Variants in ZNF75D observed in about 807,000 individuals in gnomAD.
ZNF75D encodes zinc finger protein 75.
Under a neutral mutation model 33.3 loss-of-function variants are expected in ZNF75D, and 33 were observed. The ratio of observed to expected loss-of-function variants is 0.99; its 90% CI spans 0.75 to 1.32. ZNF75D has a LOEUF of 1.32. ZNF75D is among the 40% of genes most tolerant of loss of function. The pLI, the probability that ZNF75D is intolerant of heterozygous loss-of-function variation, is 0.00. For synonymous variants in ZNF75D, 113 were observed against 130.6 expected (o/e 0.87, Z 0.92); for missense variants, 338 against 367.5 (o/e 0.92, Z 0.66).
intron 1 of ZNF75D, among the ~76,000 whole-genome samples, chrX:135,316,738 ATTCT>A (rs1556431929): frequency 1.9e-5 from 2 of 107,397 alleles, no homozygotes; most frequent in African/African-American, 6.8e-5. Context: ...AAGATCTTAG[ATTCT>A]TTCTTCTGCT....
intron 1 of ZNF75D, among the ~76,000 whole-genome samples, chrX:135,271,247 T>G (rs1156499458): frequency 8.9e-6 from 1 of 112,005 alleles, no homozygotes; most frequent in Non-Finnish European, 1.9e-5. Context: ...CTGGACAAAG[T>G]AATGTTTTGA....
chrX:135,324,938 C>T (rs1309019998), intron 1 of ZNF75D, among the ~76,000 whole-genome samples: 1 of 110,951 alleles, frequency 9.0e-6, no homozygotes, highest in African/African-American at 3.3e-5. Context: ...ACCTGACCAT[C>T]GGCCATGGTG....
intron 1 of ZNF75D, among the ~76,000 whole-genome samples, chrX:135,271,662 A>G (rs1270881396): frequency 8.9e-6 from 1 of 111,867 alleles, no homozygotes; most frequent in Non-Finnish European, 1.9e-5. Context: ...TATTCACCCC[A>G]TTGTTGAAGG....
Position 135,316,456 on chromosome X carries a change from T to C in ZNF75D, c.-390-20417A>G, listed in dbSNP as rs782408858. ...TATTTGTCATTGACTTTAGACATTG[T>C]AAATATAATGTACCATGGGGAAGAT... On this transcript the variant is annotated intron_variant, in intron 1 of 6. Coordinates refer to ENST00000370766, the MANE Select transcript of ZNF75D (RefSeq NM_007131.5). 3.6e-5 allele frequency among the ~76,000 whole-genome samples: 4 copies of C among 111,877 alleles called. No individual in the cohort carries two copies. The South Asian group carries it at 1.5e-3, about 42-fold the overall frequency.
At chrX:135,313,668 T>C (rs1307513077) in intron 1 of ZNF75D, among the ~76,000 whole-genome samples, 2 of 111,952 alleles carry the variant, frequency 1.8e-5, no homozygotes, top group Non-Finnish European at 3.8e-5. Flanking sequence ...ATCAGTGTTT[T>C]GTAGTGCTTT....
At position 135,258,603 on chromosome X, in the gene ZNF75D, G is replaced by A. The variant is rs782069384; in HGVS notation, n.828-2826C>T. Among the ~76,000 whole-genome samples the A allele has an allele frequency of 8.9e-5, 10 of 111,762 alleles. 1 individual carries two copies. The South Asian group carries it at 3.8e-3, about 42-fold the overall frequency. ...CTGCATAGATGTCTTCTTTTGAGAA[G>A]TGTCTATTCATATCCTTTGCCCACG... On this transcript the variant is annotated intron_variant and non_coding_transcript_variant, in intron 1 of 3. Coordinates refer to the ZNF75D transcript ENST00000494295.
At chrX:135,292,090 T>C (rs1295397537) in intron 4 of ZNF75D, among the ~76,000 whole-genome samples, 191 bp downstream of exon 4, 1 of 111,640 alleles carries the variant, frequency 9.0e-6, no homozygotes, top group Non-Finnish European at 1.9e-5. Flanking sequence ...ATAGCAGGGT[T>C]CTGTGGTTTG....
chrX:135,248,943 A>G, exon 4 of ZNF75D: 1 of 318,741 alleles, frequency 3.1e-6, no homozygotes, highest in South Asian at 2.8e-5. Flanking sequence ...TCCACTTGTA[A>G]TGGTTGCATC....
At chrX:135,291,404 G>A in intron 5 of ZNF75D, 68 bp downstream of exon 5, 1 of 1,142,711 alleles carries the variant, frequency 8.8e-7, no homozygotes, top group Non-Finnish European at 1.2e-6. Context: ...TGAGTCCTAG[G>A]CAATAGGGAC....
chrX:135,303,991 C>A, intron 1 of ZNF75D, among the ~76,000 whole-genome samples: 1 of 112,546 alleles, frequency 8.9e-6, no homozygotes, highest in East Asian at 2.8e-4. Context: ...TCAAAGAGAG[C>A]AGCCAGAAGT....
chrX:135,257,533 A>C (rs782488048), intron 1 of ZNF75D, among the ~76,000 whole-genome samples: 27 of 113,220 alleles, frequency 2.4e-4, no homozygotes, highest in African/African-American at 8.3e-4. Flanking sequence ...AAGGTATTTT[A>C]CTCTAATCCC....
At chrX:135,289,874 C>G (rs1238739586) in intron 6 of ZNF75D, among the ~76,000 whole-genome samples, 3 of 111,527 alleles carry the variant, frequency 2.7e-5, no homozygotes, top group African/African-American at 9.8e-5. Context: ...ACTTTGATTG[C>G]CTAGTAGTCC....
In ZNF75D at chrX:135,287,095, C is replaced by A; in HGVS notation, c.*42G>T. The A allele has an allele frequency of 1.8e-6, 2 of 1,086,255 alleles. No individual in the cohort carries two copies. The highest frequency in any genetic ancestry group is 2.5e-6 in the Non-Finnish European group (2 of 800,787). 89.5% of individuals were successfully genotyped at this position (1,086,255 alleles called of 1,213,427 possible). A position where few individuals can be genotyped will look rare whatever the true frequency, so the allele number is the denominator to read the frequency against. ...ATTGGGTGCCTCATAATTTTGTATT[C>A]TTTCACCACTTCTAAAGTCAAGCTC... is the stretch of plus-strand genomic sequence containing the variant. On this transcript the variant is annotated 3_prime_UTR_variant, in exon 7 of 7. Transcript: ENST00000370766.
rs782168296 is a variant in ZNF75D at position 135,294,057 on chromosome X, C to G, written c.84G>C (p.Glu28Asp). The G allele has an allele frequency of 3.3e-6, 4 of 1,210,850 alleles. No homozygotes were observed. In the South Asian group the frequency reaches 5.3e-5, roughly 16 times the overall value. Reference protein sequence around the residue: ...AMWETSGSVKENSSQSKKYST... With the variant: ...AMWETSGSVKDNSSQSKKYST... ...TGTATTTCTTACTCTGACTGGAGTTCTCTTTCACAGACCCACTAGTCTCCC... is the reference window on the plus strand; with the variant it reads ...TGTATTTCTTACTCTGACTGGAGTTGTCTTTCACAGACCCACTAGTCTCCC... Residue 28 changes from glutamate (E) to aspartate (D), a missense_variant, in exon 3 of 7, where the codon GAG (glutamate) becomes GAC (aspartate). Physicochemically the swap from Glu to Asp is conservative, Grantham distance 45. Coordinates refer to ENST00000370766, the MANE Select transcript of ZNF75D (RefSeq NM_007131.5).
In ZNF75D at chrX:135,295,822, A is replaced by G. The variant is rs782493985; in HGVS notation, c.-173T>C. 1 of 112,090 alleles carries G rather than the reference A, an allele frequency of 8.9e-6. No homozygotes were observed. Among genetic ancestry groups the G allele is most frequent in the South Asian group, 3.8e-4 (1 of 2,647 alleles). The allele number at this position is 112,090 out of a possible 1,213,427, so 9.2% of individuals were successfully genotyped here. ...CACTTTCCTCTTCCTCGGCTCGACT[A>G]CGCCTCTGCCTCTGTGGCCACGCCT... On this transcript the variant is annotated 5_prime_UTR_variant, in exon 2 of 7. Coordinates refer to ENST00000370766, the MANE Select transcript of ZNF75D (RefSeq NM_007131.5).
At chrX:135,290,222 C>G (rs1250495024) in intron 6 of ZNF75D, among the ~76,000 whole-genome samples, 1 of 111,915 alleles carries the variant, frequency 8.9e-6, no homozygotes, top group East Asian at 2.8e-4. Context: ...TTTCTCTTAC[C>G]TGTGAAGTAA....
At chrX:135,258,036 A>T (rs182578111) in intron 1 of ZNF75D, among the ~76,000 whole-genome samples, 1 of 108,573 alleles carries the variant, frequency 9.2e-6, no homozygotes, top group African/African-American at 3.3e-5. Context: ...TTGTTCAATT[A>T]CCACCTATGA....
intron 1 of ZNF75D, among the ~76,000 whole-genome samples, chrX:135,268,305 G>A (rs184986522): frequency 9.5e-6 from 1 of 105,620 alleles, no homozygotes; most frequent in East Asian, 3.0e-4. Flanking sequence ...AAATTGCAAG[G>A]GAAGAAGTCA....
chrX:135,287,800 A>G lies in ZNF75D; in HGVS notation c.870T>C (p.Val290=). 3 of 1,210,324 alleles carry G rather than the reference A, an allele frequency of 2.5e-6. No homozygotes were observed. The highest frequency in any genetic ancestry group is 2.2e-6 in the Non-Finnish European group (2 of 894,656). ...NDTGNDHPIS[V]STSEIQTSGC... The stretch of plus-strand genomic sequence containing the variant: ...CTGATGTTTGTATTTCTGATGTAGA[A>G]ACAGATATAGGATGATCATTTCCAG... Residue 290 remains valine (V), a synonymous_variant, in exon 7 of 7, where the codon GTT becomes GTC. Coordinates refer to ENST00000370766, the MANE Select transcript of ZNF75D (RefSeq NM_007131.5).
Sources: gnomAD v4.1 joint callset for allele counts (sites outside exome capture counted in the v4.1 genomes callset) on GRCh38, gnomAD v4.1.1 for gene constraint, MANE v1.5 for transcripts, NCBI Gene and HGNC (gene_info 2026-07-23, HGNC 2026-07-21) for gene names.